Variants in CUX1 observed in about 807,000 individuals in gnomAD.
CUX1 encodes protein CASP.
CUX1 carries 31 observed loss-of-function variants against 158.8 expected under a neutral mutation model. The observed-to-expected ratio is 0.20, with a 90% CI of 0.15 to 0.26. The LOEUF is 0.26. Ranked by LOEUF, CUX1 falls within the 10% of genes least tolerant of loss-of-function variation. The probability of loss-of-function intolerance (pLI) is 1.00; values close to 1 mark genes in which losing one functional copy is unlikely to be tolerated. For synonymous variants in CUX1, 879 were observed against 862.1 expected (o/e 1.02, Z -0.34); for missense variants, 1,589 against 2,014.6 (o/e 0.79, Z 4.04).
intron 20 of CUX1, among the ~76,000 whole-genome samples, chr7:102,223,571 C>T (rs1313481253): frequency 6.6e-6 from 1 of 152,162 alleles, no homozygotes; most frequent in African/African-American, 2.4e-5. Context: ...AGAAACATTA[C>T]TTCTCCTTTC....
chr7:102,141,196 C>T (rs1002828219), intron 8 of CUX1, among the ~76,000 whole-genome samples: 1 of 152,090 alleles, frequency 6.6e-6, no homozygotes, highest in Non-Finnish European at 1.5e-5. Context: ...CTTAGCCTGC[C>T]GAAAGGCAGA....
intron 9 of CUX1, among the ~76,000 whole-genome samples, chr7:102,162,488 A>G (rs1390189676): frequency 1.3e-5 from 2 of 152,130 alleles, no homozygotes; most frequent in Non-Finnish European, 2.9e-5. Context: ...GACTACGGGC[A>G]TATGGCTCCC....
At position 102,100,601 on chromosome 7, in the gene CUX1, A is replaced by C. The variant is rs552323013; in HGVS notation, c.406+3100A>C. Reference sequence around the variant, plus strand: ...TCCCCCACTTCCAAGAATAAAAGTGATTATAATTTGGGAAGGTGGGCGGTG... The same window carrying C: ...TCCCCCACTTCCAAGAATAAAAGTGCTTATAATTTGGGAAGGTGGGCGGTG... On this transcript the variant is annotated intron_variant, in intron 5 of 23. Coordinates refer to ENST00000292535, the MANE Select transcript of CUX1 (RefSeq NM_181552.4). 2.0e-5 allele frequency among the ~76,000 whole-genome samples: 3 copies of C among 152,348 alleles called. No homozygotes were observed. The South Asian group carries it at 6.2e-4, about 32-fold the overall frequency.
In CUX1 at chr7:101,920,350, C is replaced by T. The variant is rs374777767; in HGVS notation, c.141+4125C>T. ...TGTTGCCCAGGCTGGTCTTGAACTC[C>T]TGACCTTGTGATCCACCCGCCTCAG... On this transcript the variant is annotated intron_variant, in intron 2 of 23. Coordinates refer to ENST00000292535, the MANE Select transcript of CUX1 (RefSeq NM_181552.4). 1.9e-4 allele frequency among the ~76,000 whole-genome samples: 29 copies of T among 152,194 alleles called. No homozygotes were observed. In the East Asian group the frequency reaches 5.2e-3, roughly 27 times the overall value.
Position 102,248,451 on chromosome 7 carries a change from G to C in CUX1, c.3927G>C (p.Gln1309His), listed in dbSNP as rs1554537753. The change falls in exon 24 of 24, where the codon CAG becomes CAC. Residue 1309 changes from glutamine (Q) to histidine (H), a missense_variant. This residue lies in a region of CUX1 where 344 missense variants were observed against 323.7 expected (regional missense o/e 1.06). Coordinates refer to ENST00000292535, the MANE Select transcript of CUX1 (RefSeq NM_181552.4). This position sits in a 1 kb window ranked among gnomAD's most constrained non-coding sequence, Gnocchi z 5.8. Reference sequence around the variant, plus strand: ...GAGAACTGTTCATTGAGGAAATTCAGGCCGGGAGTCAGGGCCAGGCGGGCG... The same window carrying C: ...GAGAACTGTTCATTGAGGAAATTCACGCCGGGAGTCAGGGCCAGGCGGGCG... ...IRRELFIEEI[Q>H]AGSQGQAGAS... is the part of the protein sequence containing the mutation. 2 of 1,599,460 alleles carry C rather than the reference G, an allele frequency of 1.3e-6. No individual in the cohort carries two copies. The highest frequency in any genetic ancestry group is 2.2e-5 in the South Asian group (2 of 90,336).
In CUX1 at chr7:101,916,790, C is replaced by T. The variant is rs1804259285; in HGVS notation, c.141+565C>T. Among the ~76,000 whole-genome samples, 1 of 152,130 alleles carries T rather than the reference C, an allele frequency of 6.6e-6. No homozygotes were observed. Among genetic ancestry groups the T allele is most frequent in the South Asian group, 2.1e-4 (1 of 4,828 alleles). On this transcript the variant is annotated intron_variant, in intron 2 of 23. Coordinates refer to ENST00000292535, the MANE Select transcript of CUX1 (RefSeq NM_181552.4). This position sits in a 1 kb window ranked among gnomAD's most constrained non-coding sequence, Gnocchi z 4.4. ...AATGGAAATGTGCTTTTTATATACT[C>T]CTGTTTTTTCTCTCGTGAGTGTGCA...
chr7:102,131,734 G>A (rs1210308031), intron 8 of CUX1, among the ~76,000 whole-genome samples: 6 of 150,610 alleles, frequency 4.0e-5, no homozygotes, highest in Admixed American at 6.7e-5. Flanking sequence ...GTGCAGTGGC[G>A]TGATCTTGGC....
rs1340914824 is a variant in CUX1, at chr7:102,201,869, G to A, written c.2572G>A (p.Gly858Arg). 6.2e-6 allele frequency: 10 copies of A among 1,613,346 alleles called. No homozygotes were observed. Among genetic ancestry groups the A allele is most frequent in the South Asian group, 2.2e-5 (2 of 91,078 alleles). ...GGKEKGSGGS[G>R]GGSQPRAERS... Reference sequence around the variant, plus strand: ...GAAAGAGAAGGGCAGCGGTGGCAGCGGAGGTGGCAGCCAGCCTCGGGCCGA... The same window carrying A: ...GAAAGAGAAGGGCAGCGGTGGCAGCAGAGGTGGCAGCCAGCCTCGGGCCGA... The change falls in exon 18 of 24, where the codon GGA becomes AGA. Residue 858 changes from glycine (G) to arginine (R), a missense_variant. Gly to Arg is a moderately radical substitution (Grantham distance 125). Coordinates refer to ENST00000292535, the MANE Select transcript of CUX1 (RefSeq NM_181552.4). The surrounding 1 kb of genome is among the most constrained non-coding windows in gnomAD (Gnocchi z 5.0).
intron 1 of CUX1, among the ~76,000 whole-genome samples, chr7:101,897,830 G>A (rs1801680041): frequency 6.6e-6 from 1 of 152,128 alleles, no homozygotes; most frequent in Non-Finnish European, 1.5e-5. Context: ...GTTTCAAGAG[G>A]AACCTCTGTT....
chr7:101,937,922 T>C (rs1807140514), intron 2 of CUX1, among the ~76,000 whole-genome samples: 1 of 152,134 alleles, frequency 6.6e-6, no homozygotes, highest in African/African-American at 2.4e-5. Context: ...AAGTAGACAG[T>C]CTTTAACGTT....
chr7:102,120,361 C>G (rs567955447), intron 8 of CUX1, among the ~76,000 whole-genome samples: 1 of 152,144 alleles, frequency 6.6e-6, no homozygotes, highest in African/African-American at 2.4e-5. Flanking sequence ...CACTGAGCCT[C>G]GATGAAAGAA....
chr7:101,874,521 C>T (rs1390207752), intron 1 of CUX1, among the ~76,000 whole-genome samples: 2 of 152,180 alleles, frequency 1.3e-5, no homozygotes, highest in Non-Finnish European at 2.9e-5. Flanking sequence ...TGCCAGGCAC[C>T]GTTGGGAACT....
At chr7:102,215,662 G>A (rs1357811700) in intron 20 of CUX1, among the ~76,000 whole-genome samples, 1 of 152,154 alleles carries the variant, frequency 6.6e-6, no homozygotes. Context: ...TAATACCATC[G>A]TGGAAGACGA....
At chr7:102,041,771 G>A (rs1341628281) in intron 3 of CUX1, among the ~76,000 whole-genome samples, 7 of 149,610 alleles carry the variant, frequency 4.7e-5, no homozygotes, top group African/African-American at 1.7e-4. Flanking sequence ...GGGTTCAAGC[G>A]ATTCTCCTGC....
intron 8 of CUX1, among the ~76,000 whole-genome samples, chr7:102,137,628 C>A (rs1335707793): frequency 6.6e-6 from 1 of 152,044 alleles, no homozygotes; most frequent in East Asian, 1.9e-4. Flanking sequence ...AAGAGTGAAT[C>A]TCCGTCAAAA....
In CUX1 at chr7:101,916,559, A is replaced by C. The variant is rs1419453155; in HGVS notation, c.141+334A>C. On this transcript the variant is annotated intron_variant, in intron 2 of 23. Transcript: ENST00000292535. This position sits in a 1 kb window ranked among gnomAD's most constrained non-coding sequence, Gnocchi z 4.4. ...CTCATCCCAGACCCTGTCCCATGTC[A>C]GTTAGCAAGCCACCAAAGTCCATAA... 1 of 264,750 alleles carries C rather than the reference A, an allele frequency of 3.8e-6. No homozygotes were observed. The highest frequency in any genetic ancestry group is 7.7e-6 in the Non-Finnish European group (1 of 129,270). The allele number at this position is 264,750 out of a possible 1,614,324, so 16.4% of individuals were successfully genotyped here. A position where few individuals can be genotyped will look rare whatever the true frequency, so the allele number is the denominator to read the frequency against.
chr7:101,991,232 C>T (rs767060328), intron 2 of CUX1, among the ~76,000 whole-genome samples: 3 of 152,160 alleles, frequency 2.0e-5, no homozygotes, highest in Non-Finnish European at 2.9e-5. Flanking sequence ...GTGTTTGAAA[C>T]GAAGCTTTGT....
At chr7:102,243,424 A>G (rs427534) in intron 23 of CUX1, among the ~76,000 whole-genome samples, 57,867 of 151,820 alleles carry the variant, frequency 0.38, 12,497 homozygotes, top group East Asian at 0.88. Context: ...GAAAAATATC[A>G]TGGAAGAGGT....
rs544942451 is a variant in CUX1, at chr7:101,981,580, C to T, written c.142-46518C>T. ...AGGCATTCCCCAGTGGTGTTTGAAT[C>T]GTGAATGCAAATGTCAGAGGCTCTG... On this transcript the variant is annotated intron_variant, in intron 2 of 23. Transcript: ENST00000292535. Among the ~76,000 whole-genome samples the T allele has an allele frequency of 1.3e-4, 19 of 151,844 alleles. No homozygotes were observed. In the East Asian group the frequency reaches 1.4e-3, roughly 11 times the overall value.
Sources: gnomAD v4.1 joint callset for allele counts (sites outside exome capture counted in the v4.1 genomes callset) on GRCh38, gnomAD v4.1.1 for gene constraint, gnomAD v4.1.1 regional missense constraint, Gnocchi (gnomAD v3.1) non-coding constraint, MANE v1.5 for transcripts, NCBI Gene and HGNC (gene_info 2026-07-23, HGNC 2026-07-21) for gene names.